The following INTS15 variants were observed in gnomAD, a reference collection of about 807,000 sequenced individuals.
INTS15 encodes the protein uncharacterized protein C7orf26.
the INTS15 span, among the ~76,000 whole-genome samples, chr7:6,593,003 A>G: frequency 1.3e-5 from 2 of 152,308 alleles, no homozygotes; most frequent in African/African-American, 2.4e-5. Flanking sequence ...AATCTCTTCA[A>G]TGTGATAGCA....
chr7:6,601,230 C>A, the INTS15 span, among the ~76,000 whole-genome samples: 2 of 152,136 alleles, frequency 1.3e-5, no homozygotes, highest in East Asian at 1.9e-4. Flanking sequence ...CTCAGCCTCC[C>A]AAAAGTGCTA....
the INTS15 span, among the ~76,000 whole-genome samples, chr7:6,606,621 C>T: frequency 7.3e-5 from 11 of 151,574 alleles, no homozygotes; most frequent in Non-Finnish European, 2.9e-5. Flanking sequence ...CAGAAGCTTC[C>T]GATGGGGGAA....
At chr7:6,599,919 C>T in the INTS15 span, 43 of 1,614,094 alleles carry the variant, frequency 2.7e-5, 1 homozygote, top group South Asian at 4.4e-4. Flanking sequence ...TTTTTAAATA[C>T]TCCGATTGCG....
the INTS15 span, chr7:6,590,604 G>T: frequency 7.2e-7 from 1 of 1,393,060 alleles, no homozygotes; most frequent in African/African-American, 1.5e-5. Flanking sequence ...GCTCGGCCTC[G>T]CTCCTGCAGC....
At chr7:6,602,360 G>C in the INTS15 span, 3 of 532,476 alleles carry the variant, frequency 5.6e-6, no homozygotes, top group Non-Finnish European at 1.0e-5. Context: ...GCCAGTCCCT[G>C]TATCACCGAA....
chr7:6,605,075 C>T, the INTS15 span, among the ~76,000 whole-genome samples: 1 of 152,122 alleles, frequency 6.6e-6, no homozygotes, highest in African/African-American at 2.4e-5. Context: ...TCACTGCAAC[C>T]TCCGCGTCCT....
chr7:6,600,268 C>T, the INTS15 span: 332 of 1,614,218 alleles, frequency 2.1e-4, 2 homozygotes, highest in South Asian at 3.1e-3. Flanking sequence ...ACCCCCTCAA[C>T]GCCTCCCAGG....
At chr7:6,602,786 A>G in the INTS15 span, 1 of 470,222 alleles carries the variant, frequency 2.1e-6, no homozygotes, top group Non-Finnish European at 4.4e-6. Flanking sequence ...GATTCTGGAG[A>G]GAATCCGGGC....
At chr7:6,594,461 G>T in the INTS15 span, 3 of 1,614,102 alleles carry the variant, frequency 1.9e-6, no homozygotes, top group Non-Finnish European at 2.5e-6. Context: ...ACTGTGTGAG[G>T]TTAGCCAAGG....
the INTS15 span, chr7:6,608,190 C>T: frequency 7.1e-6 from 11 of 1,540,328 alleles, no homozygotes; most frequent in South Asian, 4.7e-5. Context: ...TCTGCGCTCT[C>T]GCTGGACGAA....
the INTS15 span, chr7:6,590,055 C>G: frequency 3.8e-6 from 1 of 266,030 alleles, no homozygotes; most frequent in Admixed American, 5.5e-5. Context: ...GCGGCAGCTC[C>G]CGGCGGCTCC....
At chr7:6,602,162 A>G in the INTS15 span, 1 of 1,605,918 alleles carries the variant, frequency 6.2e-7, no homozygotes, top group South Asian at 1.1e-5. Context: ...CAGGACTCCT[A>G]GCTGGGCCAG....
chr7:6,599,561 G>T, the INTS15 span, among the ~76,000 whole-genome samples: 1 of 152,196 alleles, frequency 6.6e-6, no homozygotes, highest in Non-Finnish European at 1.5e-5. Context: ...TGGAGTTCCA[G>T]GGAATTGTAG....
the INTS15 span, chr7:6,590,050 AGCTCCCGGCG>A: frequency 9.1e-5 from 23 of 252,866 alleles, no homozygotes; most frequent in African/African-American, 3.9e-4. Flanking sequence ...GCGCGGCGGC[AGCTCCCGGCG>A]GCTCCTGGCG....
chr7:6,606,122 T>G, the INTS15 span, among the ~76,000 whole-genome samples: 1 of 152,212 alleles, frequency 6.6e-6, no homozygotes, highest in Non-Finnish European at 1.5e-5. Flanking sequence ...GACCGAAATT[T>G]GGCCTCTGCA....
chr7:6,605,211 A>G, the INTS15 span, among the ~76,000 whole-genome samples: 16 of 151,646 alleles, frequency 1.1e-4, no homozygotes, highest in African/African-American at 3.6e-4. Context: ...CTGGTCTCGA[A>G]CTCCTGACCT....
chr7:6,592,609 CTTT>C, the INTS15 span, among the ~76,000 whole-genome samples: 1 of 147,558 alleles, frequency 6.8e-6, no homozygotes, highest in African/African-American at 2.5e-5. Context: ...GTTTTTTTTT[CTTT>C]TTCTTTTTTT....
the INTS15 span, chr7:6,591,901 G>C: frequency 6.3e-7 from 1 of 1,594,260 alleles, no homozygotes; most frequent in East Asian, 2.2e-5. Flanking sequence ...GCCGGGTGCG[G>C]TGGCTCATGC....
At chr7:6,590,228 C>T in the INTS15 span, 1 of 1,405,476 alleles carries the variant, frequency 7.1e-7, no homozygotes, top group Non-Finnish European at 9.3e-7. Flanking sequence ...CGGCGCAGTC[C>T]CGGGCCCCGG....
Sources: gnomAD v4.1 joint callset for allele counts (sites outside exome capture counted in the v4.1 genomes callset) on GRCh38, gnomAD v4.1.1 for gene constraint, MANE v1.5 for transcripts, NCBI Gene and HGNC (gene_info 2026-07-23, HGNC 2026-07-21) for gene names.